AGTPBP1: variants seen among roughly 807,000 people sequenced by gnomAD.
The protein encoded by AGTPBP1 is cytosolic carboxypeptidase 1.
In AGTPBP1, 70 loss-of-function variants were observed where a neutral mutation model predicts 143.9. The ratio of observed to expected loss-of-function variants is 0.49; its 90% confidence interval spans 0.40 to 0.59. The LOEUF (loss-of-function observed/expected upper bound fraction) is 0.59, where lower values mean the gene tolerates loss of function less well. Ranked by LOEUF, AGTPBP1 falls within the 20% of genes least tolerant of loss-of-function variation. The pLI is 0.00. For missense variants in AGTPBP1, 1,229 were observed against 1,464.5 expected (o/e 0.84, Z 2.62); for synonymous variants, 463 against 500.2 (o/e 0.93, Z 0.99).
At chr9:85,793,641 A>G in the AGTPBP1 span, among the ~76,000 whole-genome samples, 6 of 152,186 alleles carry the variant, frequency 3.9e-5, no homozygotes, top group Non-Finnish European at 8.8e-5. Context: ...ATACTAACAT[A>G]GTTTTCCTGA....
intron 14 of AGTPBP1, 39 bp from the exon 15 acceptor site, chr9:85,621,324 C>T: frequency 1.0e-6 from 1 of 971,490 alleles, no homozygotes; most frequent in Non-Finnish European, 1.4e-6. Context: ...TATTATTATA[C>T]ACTAATGTAC....
At chr9:85,610,182 A>C (rs1007772475) in intron 17 of AGTPBP1, among the ~76,000 whole-genome samples, 4 of 152,248 alleles carry the variant, frequency 2.6e-5, no homozygotes, top group African/African-American at 4.8e-5. Context: ...GAAAATCCTC[A>C]GAAATCTGAG....
intron 25 of AGTPBP1, among the ~76,000 whole-genome samples, chr9:85,568,363 TA>T (rs1314542663): frequency 1.3e-5 from 2 of 152,210 alleles, no homozygotes; most frequent in African/African-American, 2.4e-5. Context: ...GAAAAAGTTG[TA>T]AAACAGAAAC....
chr9:85,567,903 A>G (rs2132943990), intron 25 of AGTPBP1, among the ~76,000 whole-genome samples: 1 of 152,362 alleles, frequency 6.6e-6, no homozygotes. Flanking sequence ...AAAACTGAAG[A>G]CAAGAGTCCT....
At chr9:85,779,226 TATAG>T in the AGTPBP1 span, among the ~76,000 whole-genome samples, 4,057 of 136,854 alleles carry the variant, frequency 0.03, 188 homozygotes, top group African/African-American at 0.12. Context: ...TAGATATAGA[TATAG>T]ATATAGATAT....
At chr9:85,550,621 T>C (rs762768244) in intron 25 of AGTPBP1, among the ~76,000 whole-genome samples, 1 of 152,198 alleles carries the variant, frequency 6.6e-6, no homozygotes, top group Non-Finnish European at 1.5e-5. Context: ...AACTTCTCCA[T>C]GGAACTTCCG....
At chr9:85,708,469 A>G (rs908588999) in intron 2 of AGTPBP1, among the ~76,000 whole-genome samples, 3 of 152,338 alleles carry the variant, frequency 2.0e-5, no homozygotes, top group Non-Finnish European at 4.4e-5. Flanking sequence ...AAACTCACTC[A>G]ATAAGAAATA....
At chr9:85,759,035 T>C in the AGTPBP1 span, among the ~76,000 whole-genome samples, 1 of 152,128 alleles carries the variant, frequency 6.6e-6, no homozygotes, top group Admixed American at 6.5e-5. Flanking sequence ...GGCCATTACA[T>C]AATGGTAAAG....
At chr9:85,554,808 G>A (rs996389914) in intron 25 of AGTPBP1, among the ~76,000 whole-genome samples, 4 of 152,128 alleles carry the variant, frequency 2.6e-5, no homozygotes, top group African/African-American at 9.7e-5. Context: ...TGAACTTTAA[G>A]TAATAATTGT....
At chr9:85,788,791 C>T in the AGTPBP1 span, among the ~76,000 whole-genome samples, 37 of 150,092 alleles carry the variant, frequency 2.5e-4, no homozygotes, top group African/African-American at 8.8e-4. Flanking sequence ...TATAGATACA[C>T]TTGTATATAT....
At chr9:85,588,207 G>A in intron 21 of AGTPBP1, 91 bp downstream of exon 21, 1 of 1,150,700 alleles carries the variant, frequency 8.7e-7, no homozygotes, top group South Asian at 2.4e-5. Context: ...AAATCACTAA[G>A]TTTGTTAACC....
chr9:85,765,455 TAC>T, the AGTPBP1 span, among the ~76,000 whole-genome samples: 9 of 152,272 alleles, frequency 5.9e-5, no homozygotes, highest in African/African-American at 1.9e-4. Flanking sequence ...TAGTTATAGT[TAC>T]AGTTTTTTTA....
the AGTPBP1 span, among the ~76,000 whole-genome samples, chr9:85,749,025 C>G: frequency 4.4e-5 from 5 of 112,598 alleles, no homozygotes; most frequent in African/African-American, 1.1e-4. Flanking sequence ...TTTTTTGAGA[C>G]AAGGTCTTGC....
intron 25 of AGTPBP1, among the ~76,000 whole-genome samples, chr9:85,573,448 C>T (rs1295248069): frequency 6.6e-6 from 1 of 152,254 alleles, no homozygotes; most frequent in African/African-American, 2.4e-5. Context: ...TGATCTCGGC[C>T]CGCTACAACC....
chr9:85,579,179 A>G, intron 23 of AGTPBP1, 83 bp from the exon 24 acceptor site: 2 of 1,382,110 alleles, frequency 1.4e-6, no homozygotes, highest in East Asian at 2.6e-5. Flanking sequence ...TTTTGATGAA[A>G]ACACAGTAAT....
chr9:85,711,156 T>C (rs1837339994), intron 2 of AGTPBP1, among the ~76,000 whole-genome samples: 1 of 152,284 alleles, frequency 6.6e-6, no homozygotes, highest in South Asian at 2.1e-4. Context: ...CCAGTATTAA[T>C]ACACTGTCAA....
chr9:85,590,768 G>A (rs1387834666), intron 19 of AGTPBP1, among the ~76,000 whole-genome samples: 4 of 152,208 alleles, frequency 2.6e-5, no homozygotes, highest in East Asian at 3.9e-4. Flanking sequence ...AGTACTGCAG[G>A]CAGAGGGAAA....
chr9:85,582,854 A>G (rs1433544126), intron 23 of AGTPBP1, among the ~76,000 whole-genome samples: 1 of 152,138 alleles, frequency 6.6e-6, no homozygotes, highest in East Asian at 1.9e-4. Context: ...GTTCCATGGT[A>G]TGGTAGTCAC....
At chr9:85,742,116 C>T (rs994264229), upstream of AGTPBP1, 11 of 933,980 alleles carry the variant, frequency 1.2e-5, no homozygotes, top group Non-Finnish European at 1.5e-5. Flanking sequence ...TACCTCCGTG[C>T]GCGCTGCGCC....
Sources: gnomAD v4.1 joint callset for allele counts (sites outside exome capture counted in the v4.1 genomes callset) on GRCh38, gnomAD v4.1.1 for gene constraint, MANE v1.5 for transcripts, NCBI Gene and HGNC (gene_info 2026-07-23, HGNC 2026-07-21) for gene names.